Variants in MYLK observed in about 807,000 individuals in gnomAD.
The protein encoded by MYLK is myosin light chain kinase.
In MYLK, 106 loss-of-function variants were observed where a neutral mutation model predicts 203.4. The ratio of observed to expected loss-of-function variants is 0.52; its 90% CI spans 0.45 to 0.61. The LOEUF is 0.61. Among genes scored for constraint, MYLK ranks in the 20% least tolerant of loss-of-function variants. The pLI, the probability that MYLK is intolerant of heterozygous loss-of-function variation, is 0.00. For missense variants in MYLK, 2,072 were observed against 2,442.3 expected, an observed-to-expected ratio of 0.85 and a Z score of 3.20; for synonymous variants, 867 against 959.5, an observed-to-expected ratio of 0.90 and a Z score of 1.78.
At chr3:123,727,574 T>C (rs760102756) in intron 11 of MYLK, among the ~76,000 whole-genome samples, 1 of 152,168 alleles carries the variant, frequency 6.6e-6, no homozygotes, top group Non-Finnish European at 1.5e-5. Context: ...AAACCCAGCA[T>C]AGCACATCCT....
chr3:123,823,156 T>C lies in MYLK; in HGVS notation c.-4+8392A>G, dbSNP rs112318740. On this transcript the variant is annotated intron_variant, in intron 3 of 33. Transcript: ENST00000360304. ...TCTTCCCTTGGTTTCTGGAATGCCA[T>C]GCTCTCCTGTTTTTCTTCCTACTTC... Among the ~76,000 whole-genome samples, 469 of 152,314 alleles carry C rather than the reference T, an allele frequency of 3.1e-3. 2 individuals are homozygous for C. The highest frequency in any genetic ancestry group is 0.011 in the African/African-American group (452 of 41,566).
intron 24 of MYLK, among the ~76,000 whole-genome samples, chr3:123,655,194 T>G (rs560112689): frequency 6.6e-6 from 1 of 152,288 alleles, no homozygotes; most frequent in South Asian, 2.1e-4. Context: ...ACCAAAGGAC[T>G]AAATCCAAAG....
chr3:123,869,401 C>G (rs953541763), intron 2 of MYLK, among the ~76,000 whole-genome samples: 2 of 152,136 alleles, frequency 1.3e-5, no homozygotes, highest in African/African-American at 4.8e-5. Context: ...ACTGGCACAG[C>G]TCCAGGTTCC....
chr3:123,786,176 G>A lies in MYLK; in HGVS notation c.165+7501C>T, dbSNP rs748752810. 9.2e-5 allele frequency among the ~76,000 whole-genome samples: 14 copies of A among 151,556 alleles called. No individual in the cohort carries two copies. The East Asian group carries it at 1.7e-3, about 19-fold the overall frequency. ...AAATTAGCCGGGTGTGGTGGCACGCGCCTGTAGTCCCAGCTACTCAGGAGG... is the reference window on the plus strand; with the variant it reads ...AAATTAGCCGGGTGTGGTGGCACGCACCTGTAGTCCCAGCTACTCAGGAGG... On this transcript the variant is annotated intron_variant, in intron 4 of 33. Transcript: ENST00000360304.
rs2058309774 is a variant in MYLK, at chr3:123,629,327, T to C, written c.5114+147A>G. The stretch of plus-strand genomic sequence containing the variant: ...CCACATGCATTCGGGTCTCTTACCA[T>C]GCCCACCCTCCCTTCCTCAGGGAAT... On this transcript the variant is annotated intron_variant, in intron 30 of 33. Transcript: ENST00000360304. The surrounding 1 kb of genome is among the most constrained non-coding windows in gnomAD (Gnocchi z 4.4). 8 of 971,958 alleles carry C rather than the reference T, an allele frequency of 8.2e-6. No homozygotes were observed. The highest frequency in any genetic ancestry group is 3.1e-4 in the Middle Eastern group (1 of 3,232). 60.2% of individuals were successfully genotyped at this position (971,958 alleles called of 1,614,324 possible). A position where few individuals can be genotyped will look rare whatever the true frequency, so the allele number is the denominator to read the frequency against.
chr3:123,798,654 G>A (rs1368327379), intron 3 of MYLK, among the ~76,000 whole-genome samples: 1 of 152,122 alleles, frequency 6.6e-6, no homozygotes, highest in African/African-American at 2.4e-5. Context: ...TCTGGCTTCA[G>A]GTTAGAAAAG....
intron 20 of MYLK, among the ~76,000 whole-genome samples, chr3:123,670,880 TAGAC>T (rs1408209290): frequency 6.6e-6 from 1 of 152,266 alleles, no homozygotes; most frequent in African/African-American, 2.4e-5. Flanking sequence ...AGGGTTCTGT[TAGAC>T]AGTGCTGGCC....
At chr3:123,848,624 T>G (rs906640066) in intron 2 of MYLK, among the ~76,000 whole-genome samples, 2 of 152,172 alleles carry the variant, frequency 1.3e-5, no homozygotes, top group Admixed American at 6.5e-5. Flanking sequence ...CCAAGAAAGC[T>G]CTCTAATTAA....
At chr3:123,709,608 G>C in intron 14 of MYLK, 148 bp downstream of exon 14, 1 of 992,890 alleles carries the variant, frequency 1.0e-6, no homozygotes, top group Non-Finnish European at 1.6e-6. Context: ...GAGAGGACAA[G>C]AGTCTCCATT....
intron 13 of MYLK, among the ~76,000 whole-genome samples, chr3:123,713,577 CAATGTGTGTGTGT>C (rs1560117877): frequency 1.7e-4 from 19 of 109,760 alleles, no homozygotes; most frequent in South Asian, 1.2e-3. Context: ...AAGAGCAACA[CAATGTGTGTGTGT>C]GTGTGTGTGT....
intron 11 of MYLK, among the ~76,000 whole-genome samples, chr3:123,728,923 T>C (rs1232734789): frequency 6.6e-6 from 1 of 152,192 alleles, no homozygotes; most frequent in East Asian, 1.9e-4. Flanking sequence ...AATCAATCAG[T>C]AGCAATTGTT....
intron 20 of MYLK, among the ~76,000 whole-genome samples, chr3:123,678,722 TAAGAAA>T (rs1246022178): frequency 6.6e-6 from 1 of 151,512 alleles, no homozygotes; most frequent in African/African-American, 2.4e-5. Context: ...ATGGCAAAGC[TAAGAAA>T]AAAAGGCAAG....
chr3:123,681,571 G>A (rs2060266344), intron 20 of MYLK: 1 of 153,220 alleles, frequency 6.5e-6, no homozygotes, highest in South Asian at 2.1e-4. Context: ...GCAGAAAGGT[G>A]TCCCATGGAG....
intron 3 of MYLK, among the ~76,000 whole-genome samples, chr3:123,800,917 G>A (rs1018756710): frequency 6.6e-6 from 1 of 152,176 alleles, no homozygotes; most frequent in African/African-American, 2.4e-5. Context: ...TTGTTTGTGA[G>A]TTACTGCTGT....
chr3:123,766,570 G>A (rs2063710870), intron 4 of MYLK, among the ~76,000 whole-genome samples: 1 of 152,270 alleles, frequency 6.6e-6, no homozygotes, highest in African/African-American at 2.4e-5. Flanking sequence ...GGTTTGTAGG[G>A]AAAGGGTGAA....
At chr3:123,655,758 C>T (rs2059371899) in intron 24 of MYLK, among the ~76,000 whole-genome samples, 1 of 152,238 alleles carries the variant, frequency 6.6e-6, no homozygotes, top group Non-Finnish European at 1.5e-5. Flanking sequence ...CCCTCTAAAT[C>T]TCATTTCTCC....
chr3:123,677,912 TATATATACAC>T (rs2060126855), intron 20 of MYLK, among the ~76,000 whole-genome samples: 1 of 102,044 alleles, frequency 9.8e-6, no homozygotes, highest in Admixed American at 9.5e-5. Flanking sequence ...TATATATATA[TATATATACAC>T]ACACACACAC....
At chr3:123,857,999 G>A (rs1258862776) in intron 2 of MYLK, among the ~76,000 whole-genome samples, 3 of 152,058 alleles carry the variant, frequency 2.0e-5, no homozygotes, top group Admixed American at 1.3e-4. Flanking sequence ...TCTCAGCCAC[G>A]GGCATAATGT....
chr3:123,787,893 A>G (rs530249130), intron 4 of MYLK, among the ~76,000 whole-genome samples: 1 of 152,378 alleles, frequency 6.6e-6, no homozygotes, highest in Non-Finnish European at 1.5e-5. Context: ...AGTTGGGGCT[A>G]GAGCAAAGGA....
Sources: gnomAD v4.1 joint callset for allele counts (sites outside exome capture counted in the v4.1 genomes callset) on GRCh38, gnomAD v4.1.1 for gene constraint, Gnocchi (gnomAD v3.1) non-coding constraint, MANE v1.5 for transcripts, NCBI Gene and HGNC (gene_info 2026-07-23, HGNC 2026-07-21) for gene names.